Variants in PRKAG2 observed in about 807,000 individuals in gnomAD.
PRKAG2 encodes protein kinase AMP-activated non-catalytic subunit gamma 2, also known as 5'-AMP-activated protein kinase subunit gamma-2.
In PRKAG2, 26 loss-of-function variants were observed where a neutral mutation model predicts 69.6. The ratio of observed to expected loss-of-function variants is 0.37; its 90% CI spans 0.27 to 0.52. The LOEUF (loss-of-function observed/expected upper bound fraction) is 0.52. PRKAG2 is among the 20% of genes least tolerant of loss of function. The pLI is 0.90. For synonymous variants in PRKAG2, 293 were observed against 285.0 expected, an observed-to-expected ratio of 1.03 and a Z score of -0.28; for missense variants, 557 against 740.0, an observed-to-expected ratio of 0.75 and a Z score of 2.87.
intron 3 of PRKAG2, among the ~76,000 whole-genome samples, chr7:151,696,795 A>C (rs1242764312): frequency 2.0e-5 from 3 of 152,352 alleles, no homozygotes; most frequent in East Asian, 3.9e-4. Context: ...GAAAAGGGGC[A>C]GCTGAAGGGA....
chr7:151,577,336 T>C (rs145131452), intron 6 of PRKAG2, among the ~76,000 whole-genome samples: 249 of 152,328 alleles, frequency 1.6e-3, no homozygotes, highest in Non-Finnish European at 2.5e-3. Flanking sequence ...CCATAAGGTA[T>C]CATACTTGAA....
intron 3 of PRKAG2, among the ~76,000 whole-genome samples, chr7:151,727,384 T>A (rs1798160828): frequency 6.6e-6 from 1 of 151,828 alleles, no homozygotes; most frequent in African/African-American, 2.4e-5. Flanking sequence ...GCCATCGAGG[T>A]GGGGAGGACC....
At chr7:151,782,920 A>C (rs928898452) in intron 2 of PRKAG2, among the ~76,000 whole-genome samples, 2 of 152,252 alleles carry the variant, frequency 1.3e-5, no homozygotes, top group Non-Finnish European at 2.9e-5. Context: ...ACTCGTCCGC[A>C]GCGCTCGCGG....
In PRKAG2 at chr7:151,584,197, C is replaced by A. The variant is rs1355430095; in HGVS notation, c.865-7745G>T. On this transcript the variant is annotated intron_variant, in intron 6 of 15. Transcript: ENST00000287878. ...TCCTTCGACTTCAGAAGAACAGTTG[C>A]CCACCATTGCCATGGAAGGACTGTT... 3.9e-5 allele frequency among the ~76,000 whole-genome samples: 6 copies of A among 152,278 alleles called. 1 individual carries two copies. The highest frequency in any genetic ancestry group is 3.9e-4 in the Admixed American group (6 of 15,300).
intron 3 of PRKAG2, among the ~76,000 whole-genome samples, chr7:151,728,400 TCCCTGGA>T (rs1053220842): frequency 6.6e-6 from 1 of 152,104 alleles, no homozygotes; most frequent in African/African-American, 2.4e-5. Context: ...GTGCCAAGGC[TCCCTGGA>T]CCCACGCACA....
intron 3 of PRKAG2, among the ~76,000 whole-genome samples, chr7:151,679,297 G>C (rs569449348): frequency 3.9e-4 from 59 of 152,308 alleles, no homozygotes; most frequent in African/African-American, 1.4e-3. Flanking sequence ...TTTGTGTGTA[G>C]TGTGGGGCAC....
At chr7:151,565,100 A>C (rs1044953083) in intron 13 of PRKAG2, among the ~76,000 whole-genome samples, 7 of 152,224 alleles carry the variant, frequency 4.6e-5, no homozygotes, top group African/African-American at 1.4e-4. Flanking sequence ...GTGGCAGTGC[A>C]TAAAATATGC....
At chr7:151,755,402 CA>C (rs1461486225) in intron 3 of PRKAG2, among the ~76,000 whole-genome samples, 3 of 152,008 alleles carry the variant, frequency 2.0e-5, no homozygotes, top group Non-Finnish European at 4.4e-5. Flanking sequence ...CAGAGGAAGA[CA>C]GGGGGTGGGT....
chr7:151,570,389 T>C (rs766044978), intron 9 of PRKAG2, among the ~76,000 whole-genome samples, 164 bp from the exon 10 acceptor site: 6 of 152,370 alleles, frequency 3.9e-5, no homozygotes, highest in East Asian at 1.9e-4. Context: ...ATCATAGTTA[T>C]GGCTATTTTA....
At chr7:151,584,741 A>C (rs964011546) in intron 6 of PRKAG2, among the ~76,000 whole-genome samples, 27 of 152,252 alleles carry the variant, frequency 1.8e-4, no homozygotes, top group African/African-American at 6.5e-4. Flanking sequence ...TACAAAAAAT[A>C]AAATAATTAA....
chr7:151,791,293 A>C (rs764755968), intron 1 of PRKAG2, among the ~76,000 whole-genome samples: 20 of 152,192 alleles, frequency 1.3e-4, no homozygotes, highest in Non-Finnish European at 1.6e-4. Context: ...GGCTTGTAGA[A>C]TACTTAGGAC....
chr7:151,723,588 T>G (rs1797467418), intron 3 of PRKAG2, among the ~76,000 whole-genome samples: 1 of 152,194 alleles, frequency 6.6e-6, no homozygotes, highest in Admixed American at 6.5e-5. Flanking sequence ...TTGCCTTTGG[T>G]GATTGTTTCC....
At chr7:151,631,956 G>T in intron 5 of PRKAG2, 113 bp downstream of exon 5, 2 of 1,029,962 alleles carry the variant, frequency 1.9e-6, no homozygotes, top group Non-Finnish European at 1.2e-6. Context: ...TCCGCAGGAC[G>T]CAGCTCGCCG....
At chr7:151,768,150 G>A (rs1178458494) in intron 3 of PRKAG2, among the ~76,000 whole-genome samples, 2 of 152,118 alleles carry the variant, frequency 1.3e-5, no homozygotes, top group African/African-American at 2.4e-5. Context: ...AACTATATGT[G>A]GGGGGATCCA....
At chr7:151,726,574 G>A (rs4725425) in intron 3 of PRKAG2, among the ~76,000 whole-genome samples, 2,934 of 152,240 alleles carry the variant, frequency 0.019, 152 homozygotes, top group East Asian at 0.16. Context: ...ACAACTGGAC[G>A]GACGCAGGAG....
In PRKAG2 at chr7:151,699,469, G is replaced by A. The variant is rs1472020585; in HGVS notation, c.467-23832C>T. Among the ~76,000 whole-genome samples the A allele has an allele frequency of 6.6e-6, 1 of 152,228 alleles. No individual in the cohort carries two copies. Among genetic ancestry groups the A allele is most frequent in the Non-Finnish European group, 1.5e-5 (1 of 68,040 alleles). ...GAGATCATCTCGGCGACTTTATCATGAAGGCCAGCACAGGAGGCCCCTCCT... is the reference window on the plus strand; with the variant it reads ...GAGATCATCTCGGCGACTTTATCATAAAGGCCAGCACAGGAGGCCCCTCCT... On this transcript the variant is annotated intron_variant, in intron 3 of 15. Coordinates refer to ENST00000287878, the MANE Select transcript of PRKAG2 (RefSeq NM_016203.4). The surrounding 1 kb of genome is among the most constrained non-coding windows in gnomAD (Gnocchi z 4.5).
chr7:151,668,977 A>G (rs1343442519), intron 4 of PRKAG2, among the ~76,000 whole-genome samples: 1 of 152,326 alleles, frequency 6.6e-6, no homozygotes, highest in Admixed American at 6.5e-5. Flanking sequence ...TTGCAGTAGA[A>G]GTTTTCAAAC....
At chr7:151,706,980 G>A (rs537580872) in intron 3 of PRKAG2, among the ~76,000 whole-genome samples, 4 of 152,308 alleles carry the variant, frequency 2.6e-5, no homozygotes, top group South Asian at 2.1e-4. Flanking sequence ...TCAAATGTTC[G>A]GACCTGCCTG....
intron 4 of PRKAG2, among the ~76,000 whole-genome samples, chr7:151,651,279 T>C (rs1828449491): frequency 6.6e-6 from 1 of 152,156 alleles, no homozygotes; most frequent in African/African-American, 2.4e-5. Flanking sequence ...TGCATGGTAT[T>C]ATAAAATCAT....
Sources: gnomAD v4.1 joint callset for allele counts (sites outside exome capture counted in the v4.1 genomes callset) on GRCh38, gnomAD v4.1.1 for gene constraint, Gnocchi (gnomAD v3.1) non-coding constraint, MANE v1.5 for transcripts, NCBI Gene and HGNC (gene_info 2026-07-23, HGNC 2026-07-21) for gene names.